The following MARF1 variants were observed in gnomAD, a reference collection of about 807,000 sequenced individuals.
MARF1 encodes limkain-b1.
A neutral mutation model predicts 168.2 loss-of-function variants in MARF1; 24 were observed. The observed-to-expected ratio is 0.14, with a 90% CI of 0.10 to 0.20. MARF1 has a LOEUF of 0.20. MARF1 is among the 10% of genes least tolerant of loss of function. The pLI, the probability that MARF1 is intolerant of heterozygous loss-of-function variation, is 1.00. For missense variants in MARF1, 1,744 were observed against 2,143.6 expected, an observed-to-expected ratio of 0.81 and a Z score of 3.68; for synonymous variants, 868 against 822.4, an observed-to-expected ratio of 1.06 and a Z score of -0.95.
rs770123921 is a variant in MARF1 at position 15,598,890 on chromosome 16, G to A, written c.4948C>T (p.Leu1650Phe). 6.2e-7 allele frequency: 1 copy of A among 1,614,098 alleles called. No individual in the cohort carries two copies. The highest frequency in any genetic ancestry group is 1.1e-5 in the South Asian group (1 of 91,092). ...PDPVILQSAD[L>F]IQFEERPQEP... ...TGAGGGCGCTCCTCAAACTGAATGA[G>A]ATCAGCAGATTGGAGGATAACGGGG... The change falls in exon 26 of 27, where the codon CTC (leucine) becomes TTC (phenylalanine). Residue 1650 changes from leucine (L) to phenylalanine (F), a missense_variant. Around this residue, in one of 7 missense-constraint regions of MARF1, gnomAD observed 313 missense variants for 337.4 expected, o/e 0.93. Transcript: ENST00000396368.
At chr16:15,636,799 A>C (rs1221433501) in intron 2 of MARF1, among the ~76,000 whole-genome samples, 1 of 152,236 alleles carries the variant, frequency 6.6e-6, no homozygotes, top group African/African-American at 2.4e-5. Flanking sequence ...AAGGGGTTTT[A>C]GTAAGATCCC....
At chr16:15,627,751 T>C (rs1406046920) in intron 7 of MARF1, among the ~76,000 whole-genome samples, 1 of 152,118 alleles carries the variant, frequency 6.6e-6, no homozygotes, top group Non-Finnish European at 1.5e-5. Flanking sequence ...ATGTGAACAA[T>C]TTACAGAAGA....
chr16:15,639,341 A>AT, intron 1 of MARF1, 50 bp from the exon 2 acceptor site: 4 of 1,193,354 alleles, frequency 3.4e-6, no homozygotes, highest in Non-Finnish European at 4.7e-6. Flanking sequence ...ATAAGTACAA[A>AT]TTTTACAACA....
In MARF1 at chr16:15,615,880, C is replaced by T. The variant is rs374692081; in HGVS notation, c.3203G>A (p.Gly1068Asp). The stretch of plus-strand genomic sequence containing the variant: ...GTGAATCCATTTAACCACTTTGATG[C>T]CATTCTGAGCAGTGGCAATGTTTAC... ...PGVNIATAQNGIKVVKWIHNK... is the reference protein window; with the variant it reads ...PGVNIATAQNDIKVVKWIHNK... The change falls in exon 16 of 27, where the codon GGC (glycine) becomes GAC (aspartate). Residue 1068 changes from glycine to aspartate, a missense_variant. Gly to Asp is a moderately conservative substitution (Grantham distance 94, BLOSUM62 -1). This residue lies in a region of MARF1 where 543 missense variants were observed against 742.1 expected (regional missense o/e 0.73). Transcript: ENST00000396368. 3 of 1,590,898 alleles carry T rather than the reference C, an allele frequency of 1.9e-6. No individual in the cohort carries two copies. The highest frequency in any genetic ancestry group is 1.1e-5 in the South Asian group (1 of 87,740).
chr16:15,606,594 TG>T (rs2033034986), intron 21 of MARF1, among the ~76,000 whole-genome samples: 1 of 152,090 alleles, frequency 6.6e-6, no homozygotes, highest in African/African-American at 2.4e-5. Context: ...AAACCACTCT[TG>T]GAAGAGGACT....
intron 25 of MARF1, 142 bp from the exon 26 acceptor site, chr16:15,599,166 A>ACAAAC: frequency 3.8e-6 from 3 of 799,248 alleles, no homozygotes; most frequent in African/African-American, 1.8e-5. Context: ...AAAAAAAAAA[A>ACAAAC]AAAAAAAAAC....
chr16:15,614,638 A>C (rs1056953488), intron 16 of MARF1, among the ~76,000 whole-genome samples: 6 of 150,758 alleles, frequency 4.0e-5, no homozygotes, highest in Admixed American at 1.3e-4. Flanking sequence ...CAGAAAAAAA[A>C]AAAAATTAGC....
rs1486057575 is a variant in MARF1 at position 15,620,470 on chromosome 16, T to C, written c.2701A>G (p.Thr901Ala). ...ACTTACTTTTTTTCATAGATATCTG[T>C]AAATTTAAACAGAGGCAGGCAACAG... ...PACCLPLFKF[T>A]DIYEKKFGHK... is the part of the protein sequence containing the mutation. The change falls in exon 13 of 27, where the codon ACA (threonine) becomes GCA (alanine). Residue 901 changes from threonine to alanine, a missense_variant. Coordinates refer to ENST00000396368, the MANE Select transcript of MARF1 (RefSeq NM_014647.4). The C allele has an allele frequency of 6.2e-7, 1 of 1,612,472 alleles. No homozygotes were observed. The highest frequency in any genetic ancestry group is 1.3e-5 in the African/African-American group (1 of 75,012).
rs149789123 is a variant in MARF1, at chr16:15,601,039, A to G, written c.4627-338T>C. 1.6e-3 allele frequency: 918 copies of G among 564,462 alleles called. 6 individuals carry two copies. The highest frequency in any genetic ancestry group is 0.015 in the African/African-American group (829 of 54,182). 35.0% of individuals were successfully genotyped at this position (564,462 alleles called of 1,614,324 possible). ...GAGCTCTTTGCCATTTTTTTGCAGA[A>G]ACTGAACAACCACCTAAAAGAATTA... On this transcript the variant is annotated intron_variant, in intron 23 of 26. Transcript: ENST00000396368.
intron 10 of MARF1, 54 bp from the exon 11 acceptor site, chr16:15,623,177 G>T: frequency 7.5e-7 from 1 of 1,327,588 alleles, no homozygotes; most frequent in Non-Finnish European, 1.0e-6. Context: ...TGTATATTTA[G>T]ATTTTATCAT....
chr16:15,640,794 A>G (rs2035897912), intron 1 of MARF1, among the ~76,000 whole-genome samples: 1 of 152,248 alleles, frequency 6.6e-6, no homozygotes, highest in East Asian at 1.9e-4. Flanking sequence ...AATACTGCCT[A>G]TGACTGCTTT....
chr16:15,616,512 G>A (rs372895643), intron 15 of MARF1, among the ~76,000 whole-genome samples: 5 of 152,284 alleles, frequency 3.3e-5, no homozygotes, highest in South Asian at 2.1e-4. Context: ...TCACGTTTAC[G>A]TTTCTAAAAT....
chr16:15,636,978 C>A (rs923451609), intron 2 of MARF1, among the ~76,000 whole-genome samples: 1 of 152,032 alleles, frequency 6.6e-6, no homozygotes, highest in Non-Finnish European at 1.5e-5. Flanking sequence ...GAAAACTATC[C>A]AAGAAAAAGA....
intron 20 of MARF1, 50 bp from the exon 21 acceptor site, chr16:15,608,568 G>T: frequency 7.2e-7 from 1 of 1,389,578 alleles, no homozygotes; most frequent in Non-Finnish European, 1.0e-6. Flanking sequence ...AATCACGGGT[G>T]TTTACAGAAT....
intron 11 of MARF1, 49 bp downstream of exon 11, chr16:15,622,885 G>A (rs1220057034): frequency 6.9e-7 from 1 of 1,445,814 alleles, no homozygotes; most frequent in Non-Finnish European, 9.4e-7. Flanking sequence ...CTTGACTAGA[G>A]ACTCCATCAG....
intron 16 of MARF1, among the ~76,000 whole-genome samples, chr16:15,615,593 C>G (rs552838737): frequency 2.0e-5 from 3 of 152,188 alleles, no homozygotes; most frequent in African/African-American, 7.2e-5. Context: ...CCACTGCACT[C>G]CAGCTAGGCG....
chr16:15,627,196 T>C (rs1728390132), intron 7 of MARF1, among the ~76,000 whole-genome samples: 1 of 150,208 alleles, frequency 6.7e-6, no homozygotes, highest in Non-Finnish European at 1.5e-5. Context: ...TATTAAAAAT[T>C]TTTAAAAATT....
chr16:15,637,775 C>T (rs1944505340), intron 2 of MARF1, among the ~76,000 whole-genome samples: 1 of 152,194 alleles, frequency 6.6e-6, no homozygotes, highest in African/African-American at 2.4e-5. Flanking sequence ...TAAAATAAAA[C>T]ACTCCTAAAA....
chr16:15,602,270 C>T lies in MARF1; in HGVS notation c.4414-67G>A, dbSNP rs12929265. 6,714 of 1,329,584 alleles carry T rather than the reference C, an allele frequency of 5.0e-3. 59 individuals are homozygous for T. The highest frequency in any genetic ancestry group is 0.022 in the South Asian group (1,838 of 84,200). 82.4% of individuals were successfully genotyped at this position (1,329,584 alleles called of 1,614,324 possible). ...GGCCCTGCCCCGTGGAAAGTGAAGG[C>T]CTCCCACTGAGGGAAAAGGCCCAGA... On this transcript the variant is annotated intron_variant, in intron 22 of 26. Transcript: ENST00000396368.
Sources: gnomAD v4.1 joint callset for allele counts (sites outside exome capture counted in the v4.1 genomes callset) on GRCh38, gnomAD v4.1.1 for gene constraint, gnomAD v4.1.1 regional missense constraint, MANE v1.5 for transcripts, NCBI Gene and HGNC (gene_info 2026-07-23, HGNC 2026-07-21) for gene names.